The following ARHGAP5 variants were observed in gnomAD, a reference collection of about 807,000 sequenced individuals.
The protein encoded by ARHGAP5 is Rho GTPase activating protein 5.
In ARHGAP5, 23 loss-of-function variants were observed where a neutral mutation model predicts 116.6. The ratio of observed to expected loss-of-function variants is 0.20; its 90% CI spans 0.14 to 0.28. The LOEUF (loss-of-function observed/expected upper bound fraction) is 0.28, where lower values mean the gene tolerates loss of function less well. ARHGAP5 is among the 10% of genes least tolerant of loss of function. ARHGAP5 has a pLI of 1.00. For missense variants in ARHGAP5, 1,405 were observed against 1,774.8 expected (o/e 0.79, Z 3.74); for synonymous variants, 574 against 602.0 (o/e 0.95, Z 0.68).
Position 32,092,030 on chromosome 14 carries a change from T to C in ARHGAP5, c.1361T>C (p.Met454Thr), listed in dbSNP as rs1250753175. 2.5e-6 allele frequency: 4 copies of C among 1,613,754 alleles called. No homozygotes were observed. The highest frequency in any genetic ancestry group is 2.2e-5 in the East Asian group (1 of 44,874). ...CCAGGGCAGCCATGGGAGGAAGTTA[T>C]GTGCTTTGTTATGGAGGATGAAGCC... Reference protein sequence around the residue: ...ISPGQPWEEVMCFVMEDEAYK... With the variant: ...ISPGQPWEEVTCFVMEDEAYK... The change falls in exon 2 of 7, where the codon ATG becomes ACG. Residue 454 changes from methionine (M) to threonine (T), a missense_variant. Physicochemically the swap from Met to Thr is moderately conservative, Grantham distance 81. Transcript: ENST00000345122. The surrounding 1 kb of genome is among the most constrained non-coding windows in gnomAD (Gnocchi z 4.1).
At chr14:32,142,292 T>A (rs1001480457) in intron 3 of ARHGAP5, among the ~76,000 whole-genome samples, 1 of 152,200 alleles carries the variant, frequency 6.6e-6, no homozygotes, top group African/African-American at 2.4e-5. Context: ...TAAACTCTAC[T>A]TTCTTGTTTC....
intron 3 of ARHGAP5, among the ~76,000 whole-genome samples, chr14:32,118,960 A>G (rs1879743545): frequency 6.6e-6 from 1 of 152,136 alleles, no homozygotes; most frequent in African/African-American, 2.4e-5. Context: ...TATAGGATAA[A>G]ATGCAGGTCT....
At chr14:32,146,412 T>C (rs1192926286) in intron 4 of ARHGAP5, 72 bp downstream of exon 4, 1 of 1,133,892 alleles carries the variant, frequency 8.8e-7, no homozygotes, top group African/African-American at 1.5e-5. Context: ...GGTGAGAAGA[T>C]TGATTTTCAT....
intron 1 of ARHGAP5, among the ~76,000 whole-genome samples, chr14:32,087,369 G>C (rs772968618): frequency 6.6e-6 from 1 of 151,752 alleles, no homozygotes; most frequent in Non-Finnish European, 1.5e-5. Flanking sequence ...TTTGTCCATT[G>C]AGGTGGTAAT....
At chr14:32,131,778 C>T (rs918423889) in intron 3 of ARHGAP5, among the ~76,000 whole-genome samples, 1 of 152,140 alleles carries the variant, frequency 6.6e-6, no homozygotes, top group Non-Finnish European at 1.5e-5. Context: ...TGTTCCCCTT[C>T]CTGTGTCCAC....
chr14:32,124,920 T>A (rs1164555264), intron 3 of ARHGAP5, among the ~76,000 whole-genome samples: 1 of 152,186 alleles, frequency 6.6e-6, no homozygotes, highest in East Asian at 1.9e-4. Context: ...AGTGGAGCCC[T>A]AAAACACTAG....
rs1881982144 is a variant in ARHGAP5, at chr14:32,158,234, A to G, written c.*3286A>G. 6.6e-6 allele frequency: 1 copy of G among 151,848 alleles called. No individual in the cohort carries two copies. The highest frequency in any genetic ancestry group is 2.1e-4 in the South Asian group (1 of 4,828). The allele number at this position is 151,848 out of a possible 1,614,324, so 9.4% of individuals were successfully genotyped here. On this transcript the variant is annotated 3_prime_UTR_variant, in exon 7 of 7. Transcript: ENST00000345122. The stretch of plus-strand genomic sequence containing the variant: ...AAAATAAAAATATAAATTTATCAAT[A>G]TGATGGAAATCTTATTAAGGAGATG...
intron 1 of ARHGAP5, among the ~76,000 whole-genome samples, chr14:32,089,991 C>CA (rs1171620112): frequency 6.6e-6 from 1 of 151,550 alleles, no homozygotes; most frequent in Admixed American, 6.6e-5. Flanking sequence ...AAATTTATTG[C>CA]AAAAAATTTG....
At chr14:32,097,299 A>G (rs1878572925) in intron 2 of ARHGAP5, among the ~76,000 whole-genome samples, 1 of 152,166 alleles carries the variant, frequency 6.6e-6, no homozygotes, top group Non-Finnish European at 1.5e-5. Flanking sequence ...TCCATGTTGG[A>G]TTTATATCAG....
intron 3 of ARHGAP5, among the ~76,000 whole-genome samples, chr14:32,130,516 C>T (rs1435194727): frequency 6.6e-6 from 1 of 150,468 alleles, no homozygotes; most frequent in Non-Finnish European, 1.5e-5. Context: ...ACCACCATGC[C>T]CAACCTGGCA....
chr14:32,131,120 C>A (rs1880462066), intron 3 of ARHGAP5, among the ~76,000 whole-genome samples: 1 of 152,118 alleles, frequency 6.6e-6, no homozygotes, highest in Non-Finnish European at 1.5e-5. Flanking sequence ...AATATTGATA[C>A]AATTCTATTG....
intron 2 of ARHGAP5, among the ~76,000 whole-genome samples, chr14:32,104,728 G>C (rs1594357094): frequency 6.6e-6 from 1 of 152,100 alleles, no homozygotes; most frequent in Non-Finnish European, 1.5e-5. Context: ...ATTCAACTTT[G>C]TATAACCTGC....
At chr14:32,115,544 T>G (rs1041542362) in intron 2 of ARHGAP5, among the ~76,000 whole-genome samples, 1 of 150,530 alleles carries the variant, frequency 6.6e-6, no homozygotes, top group East Asian at 2.0e-4. Context: ...CGGGCACCAG[T>G]AGTCCCAGCT....
chr14:32,108,940 A>G (rs953398529), intron 2 of ARHGAP5, among the ~76,000 whole-genome samples: 2 of 152,176 alleles, frequency 1.3e-5, no homozygotes, highest in Non-Finnish European at 2.9e-5. Flanking sequence ...GACAAAGTAA[A>G]GGAGATCCTT....
chr14:32,120,573 C>G (rs1186094416), intron 3 of ARHGAP5, among the ~76,000 whole-genome samples: 1 of 149,524 alleles, frequency 6.7e-6, no homozygotes, highest in Non-Finnish European at 1.5e-5. Flanking sequence ...TGCTGTGTTC[C>G]ATTTTTGTTT....
rs142743283 is a variant in ARHGAP5 at position 32,141,266 on chromosome 14, A to G, written c.3866-4997A>G. Among the ~76,000 whole-genome samples the G allele has an allele frequency of 3.8e-3, 586 of 152,250 alleles. 5 individuals are homozygous for G. The highest frequency in any genetic ancestry group is 0.013 in the African/African-American group (560 of 41,546). On this transcript the variant is annotated intron_variant, in intron 3 of 6. Coordinates refer to ENST00000345122, the MANE Select transcript of ARHGAP5 (RefSeq NM_001030055.2). ...GCTGTTTTTCTCTTTTATCCATTCT[A>G]CTAATCTCTGTCTTAATAGGAGATT...
chr14:32,134,623 A>G (rs1480985708), intron 3 of ARHGAP5, among the ~76,000 whole-genome samples: 1 of 152,210 alleles, frequency 6.6e-6, no homozygotes, highest in Non-Finnish European at 1.5e-5. Context: ...ACTATACAGT[A>G]TCAGGGACAA....
At chr14:32,153,042 GTTTTTTTTGTT>G (rs1446725921) in intron 6 of ARHGAP5, among the ~76,000 whole-genome samples, 2 of 86,944 alleles carry the variant, frequency 2.3e-5, no homozygotes, top group African/African-American at 6.7e-5. Flanking sequence ...GAACTGTATG[GTTTTTTTTGTT>G]TTTTTTTTTT....
chr14:32,137,337 AT>A (rs1880858170), intron 3 of ARHGAP5, among the ~76,000 whole-genome samples: 1 of 151,090 alleles, frequency 6.6e-6, no homozygotes, highest in East Asian at 1.9e-4. Context: ...TCCTTTTCTC[AT>A]TAAATGGTCT....
Sources: gnomAD v4.1 joint callset for allele counts (sites outside exome capture counted in the v4.1 genomes callset) on GRCh38, gnomAD v4.1.1 for gene constraint, Gnocchi (gnomAD v3.1) non-coding constraint, MANE v1.5 for transcripts, NCBI Gene and HGNC (gene_info 2026-07-23, HGNC 2026-07-21) for gene names.